KCNH4: variants seen among roughly 807,000 people sequenced by gnomAD.
KCNH4 encodes the protein potassium voltage-gated channel subfamily H member 4.
KCNH4 carries 33 observed loss-of-function variants against 90.7 expected under a neutral mutation model. The ratio of observed to expected loss-of-function variants is 0.36; its 90% CI spans 0.28 to 0.49. The LOEUF (loss-of-function observed/expected upper bound fraction) is 0.49, where lower values mean the gene tolerates loss of function less well. Among genes scored for constraint, KCNH4 ranks in the 20% least tolerant of loss-of-function variants. KCNH4 has a pLI of 0.98. For missense variants in KCNH4, 1,044 were observed against 1,387.1 expected, an observed-to-expected ratio of 0.75 and a Z score of 3.93; for synonymous variants, 551 against 581.7, an observed-to-expected ratio of 0.95 and a Z score of 0.76.
chr17:42,167,283 T>C (rs1465621411), intron 9 of KCNH4, among the ~76,000 whole-genome samples: 2 of 152,154 alleles, frequency 1.3e-5, no homozygotes, highest in African/African-American at 4.8e-5. Context: ...TTCTTTTTTT[T>C]TGAGGCAGAG....
At chr17:42,175,104 C>T (rs766795040) in intron 6 of KCNH4, among the ~76,000 whole-genome samples, 1 of 152,136 alleles carries the variant, frequency 6.6e-6, no homozygotes, top group South Asian at 2.1e-4. Flanking sequence ...GTAGCATACC[C>T]GGGCCCCATC....
intron 2 of KCNH4, 134 bp from the exon 3 acceptor site, chr17:42,178,611 G>C (rs2079879363): frequency 2.4e-6 from 3 of 1,253,622 alleles, no homozygotes; most frequent in Non-Finnish European, 3.3e-6. Context: ...CAGAGATTCT[G>C]TCAGCCGATT....
In KCNH4 at chr17:42,163,638, C is replaced by T; in HGVS notation, c.2445G>A (p.Leu815=). The change falls in exon 13 of 17, where the codon CTG becomes CTA. Residue 815 remains leucine (L), a synonymous_variant. Coordinates refer to ENST00000264661, the MANE Select transcript of KCNH4 (RefSeq NM_012285.3). The surrounding 1 kb of genome is among the most constrained non-coding windows in gnomAD (Gnocchi z 5.4). ...WKPPQLLIPP[L]GTFGPPDLSP... ...TGAGGTCCGGAGGTCCAAAGGTTCC[C>T]AGTGGGGGAATGAGAAGCTGAGGGG... 1 of 1,497,086 alleles carries T rather than the reference C, an allele frequency of 6.7e-7. No individual in the cohort carries two copies. The highest frequency in any genetic ancestry group is 1.9e-4 in the Middle Eastern group (1 of 5,230). The allele number at this position is 1,497,086 out of a possible 1,614,324, so 92.7% of individuals were successfully genotyped here.
chr17:42,173,651 A>G (rs141026929), intron 6 of KCNH4, among the ~76,000 whole-genome samples: 164 of 125,796 alleles, frequency 1.3e-3, no homozygotes, highest in African/African-American at 4.7e-3. Flanking sequence ...GCAGGGTGGT[A>G]TGTTGGAAAA....
At chr17:42,175,423 C>T (rs565917585) in intron 6 of KCNH4, among the ~76,000 whole-genome samples, 156 bp downstream of exon 6, 6 of 152,320 alleles carry the variant, frequency 3.9e-5, no homozygotes, top group African/African-American at 9.6e-5. Flanking sequence ...CCTCCCAGTA[C>T]CTAGCACAGG....
rs958789850 is a variant in KCNH4, at chr17:42,163,422, C to G, written c.2478-88G>C. ...CAGAGGGGGACTGGGGGCAGCAGTG[C>G]CAGGGGGCGGAGCAAGAGCAGCAGT... On this transcript the variant is annotated intron_variant, in intron 13 of 16. Coordinates refer to ENST00000264661, the MANE Select transcript of KCNH4 (RefSeq NM_012285.3). The surrounding 1 kb of genome is among the most constrained non-coding windows in gnomAD (Gnocchi z 5.4). 2.0e-6 allele frequency: 2 copies of G among 996,588 alleles called. No homozygotes were observed. The highest frequency in any genetic ancestry group is 3.1e-6 in the Non-Finnish European group (2 of 650,590). The allele number at this position is 996,588 out of a possible 1,614,324, so 61.7% of individuals were successfully genotyped here.
Position 42,176,291 on chromosome 17 carries a change from A to T in KCNH4, c.592T>A (p.Phe198Ile), listed in dbSNP as rs760502513. The change falls in exon 5 of 17, where the codon TTT becomes ATT. Residue 198 changes from phenylalanine (F) to isoleucine (I), a missense_variant. Phe to Ile is a conservative substitution (Grantham distance 21, BLOSUM62 0). Coordinates refer to ENST00000264661, the MANE Select transcript of KCNH4 (RefSeq NM_012285.3). ...QGGMKANNNVFEPKPSVPEYK... is the reference protein window; with the variant it reads ...QGGMKANNNVIEPKPSVPEYK... Reference sequence around the variant, plus strand: ...TCGGGCACTGATGGCTTTGGCTCAAACACGTTCTAAGGGGAGAGGGGTGGC... The same window carrying T: ...TCGGGCACTGATGGCTTTGGCTCAATCACGTTCTAAGGGGAGAGGGGTGGC... The T allele has an allele frequency of 1.4e-5, 22 of 1,610,852 alleles. No individual in the cohort carries two copies. In the Admixed American group the frequency reaches 3.5e-4, roughly 26 times the overall value.
At chr17:42,159,130 C>T (rs956886128) in intron 16 of KCNH4, among the ~76,000 whole-genome samples, 3 of 151,952 alleles carry the variant, frequency 2.0e-5, no homozygotes, top group Non-Finnish European at 4.4e-5. Context: ...CGGATTCAAG[C>T]GATTCTCCTG....
Position 42,166,256 on chromosome 17 carries a change from G to T in KCNH4, c.1840+41C>A, listed in dbSNP as rs755063070. On this transcript the variant is annotated intron_variant, in intron 10 of 16. Transcript: ENST00000264661. ...AAGTCCTCAGTGGGGGTTGCGGGGG[G>T]TGGTTCCAGGGTAGGTAGTAGAGGG... 8 of 1,549,900 alleles carry T rather than the reference G, an allele frequency of 5.2e-6. No individual in the cohort carries two copies. The African/African-American group carries it at 5.4e-5, about 11-fold the overall frequency.
Position 42,160,120 on chromosome 17 carries a change from A to G in KCNH4, c.2974T>C (p.Ser992Pro), listed in dbSNP as rs1043032466. 1.9e-6 allele frequency: 3 copies of G among 1,598,378 alleles called. No homozygotes were observed. Among genetic ancestry groups the G allele is most frequent in the Non-Finnish European group, 2.6e-6 (3 of 1,170,834 alleles). ...GGGGGTGAGGCCTCTGGCACTGGAG[A>G]GGGTCCCAGAGGGTCAGGCTCTGAG... Reference protein sequence around the residue: ...YPSEPDPLGPSPVPEASPPTP... With the variant: ...YPSEPDPLGPPPVPEASPPTP... Residue 992 changes from serine to proline, a missense_variant, in exon 16 of 17, where the codon TCT becomes CCT. Ser to Pro is a moderately conservative substitution (Grantham distance 74). Transcript: ENST00000264661.
At position 42,169,966 on chromosome 17, in the gene KCNH4, G is replaced by A. The variant is rs370547987; in HGVS notation, c.1390+141C>T. 203 of 930,740 alleles carry A rather than the reference G, an allele frequency of 2.2e-4. 3 individuals carry two copies. In the Admixed American group the frequency reaches 5.4e-3, roughly 25 times the overall value. 57.7% of individuals were successfully genotyped at this position (930,740 alleles called of 1,614,324 possible). A position where few individuals can be genotyped will look rare whatever the true frequency, so the allele number is the denominator to read the frequency against. On this transcript the variant is annotated intron_variant, in intron 8 of 16. Transcript: ENST00000264661. ...GGGCCAGCACATAGTGGGCACTCAG[G>A]AAACGTCCGTGAATGAATGCGTGAC...
In KCNH4 at chr17:42,178,206, C is replaced by T. The variant is rs754131743; in HGVS notation, c.479G>A (p.Gly160Glu). Reference protein sequence around the residue: ...SNHENSLGRRGATWKFRSARR... With the variant: ...SNHENSLGRREATWKFRSARR... ...GGCAGACCGAAATTTCCAGGTGGCT[C>T]CCCTTCTACCAAGGGAGTTTTCTGT... The change falls in exon 4 of 17, where the codon GGA (glycine) becomes GAA (glutamate). Residue 160 changes from glycine (G) to glutamate (E), a missense_variant. Transcript: ENST00000264661. The T allele has an allele frequency of 1.2e-6, 2 of 1,614,188 alleles. No individual in the cohort carries two copies. The highest frequency in any genetic ancestry group is 1.7e-6 in the Non-Finnish European group (2 of 1,180,040).
rs2079892194 is a variant in KCNH4, at chr17:42,180,271, G to C, written c.76+599C>G. On this transcript the variant is annotated intron_variant, in intron 1 of 16. Coordinates refer to ENST00000264661, the MANE Select transcript of KCNH4 (RefSeq NM_012285.3). The surrounding 1 kb of genome is among the most constrained non-coding windows in gnomAD (Gnocchi z 4.7). ...GAGGGAATGGCGGGAGAAGAGGCGG[G>C]GGAGGAGTGATGTGGCTGTCCAAGG... Among the ~76,000 whole-genome samples, 1 of 152,078 alleles carries C rather than the reference G, an allele frequency of 6.6e-6. No individual in the cohort carries two copies. Among genetic ancestry groups the C allele is most frequent in the African/African-American group, 2.4e-5 (1 of 41,416 alleles).
intron 11 of KCNH4, among the ~76,000 whole-genome samples, chr17:42,164,466 G>A (rs961130903): frequency 1.3e-5 from 2 of 152,238 alleles, no homozygotes; most frequent in Non-Finnish European, 2.9e-5. Flanking sequence ...GCCCCGTCCA[G>A]AGAGGGGCTT....
At position 42,164,220 on chromosome 17, in the gene KCNH4, G is replaced by A. The variant is rs561803625; in HGVS notation, c.2086-52C>T. 2.7e-5 allele frequency: 40 copies of A among 1,475,554 alleles called. No homozygotes were observed. The East Asian group carries it at 9.1e-4, about 33-fold the overall frequency. 91.4% of individuals were successfully genotyped at this position (1,475,554 alleles called of 1,614,324 possible). A position where few individuals can be genotyped will look rare whatever the true frequency, so the allele number is the denominator to read the frequency against. ...TGATTCCTGCCTTCCCGCGGCCATAGCGCAGACCCTCCCTGTCCCACCCAA... is the reference window on the plus strand; with the variant it reads ...TGATTCCTGCCTTCCCGCGGCCATAACGCAGACCCTCCCTGTCCCACCCAA... On this transcript the variant is annotated intron_variant, in intron 11 of 16. Transcript: ENST00000264661.
rs1477607715 is a variant in KCNH4, at chr17:42,170,586, C to T, written c.1196-285G>A. Among the ~76,000 whole-genome samples the T allele has an allele frequency of 3.3e-5, 5 of 152,364 alleles. No individual in the cohort carries two copies. The South Asian group carries it at 1.0e-3, about 32-fold the overall frequency. On this transcript the variant is annotated intron_variant, in intron 7 of 16. Transcript: ENST00000264661. ...GTGTTGGGGAATTGACCCAGCCAAACACTCTCCCTGCCCTGGTGGAACCTA... is the reference window on the plus strand; with the variant it reads ...GTGTTGGGGAATTGACCCAGCCAAATACTCTCCCTGCCCTGGTGGAACCTA...
Position 42,163,788 on chromosome 17 carries a change from C to G in KCNH4, c.2295G>C (p.Glu765Asp). ...AGACAAGGGCTGAGAATGGGGGCAGCTCCTCGCCCAAAAGGCTGACCAGGG... is the reference window on the plus strand; with the variant it reads ...AGACAAGGGCTGAGAATGGGGGCAGGTCCTCGCCCAAAAGGCTGACCAGGG... ...RGSLVSLLGE[E>D]LPPFSALVSS... is the part of the protein sequence containing the mutation. The change falls in exon 13 of 17, where the codon GAG (glutamate) becomes GAC (aspartate). Residue 765 changes from glutamate to aspartate, a missense_variant. Transcript: ENST00000264661. This position sits in a 1 kb window ranked among gnomAD's most constrained non-coding sequence, Gnocchi z 5.4. 1 of 1,545,858 alleles carries G rather than the reference C, an allele frequency of 6.5e-7. No homozygotes were observed. Among genetic ancestry groups the G allele is most frequent in the South Asian group, 1.2e-5 (1 of 82,582 alleles).
rs376807154 is a variant in KCNH4 at position 42,164,182 on chromosome 17, G to A, written c.2086-14C>T. ...GCGGCTGAGGCCCTGTGGGGACATA[G>A]GAGAGTTCAAGCTGATTCCTGCCTT... On this transcript the variant is annotated splice_polypyrimidine_tract_variant and intron_variant, in intron 11 of 16. Transcript: ENST00000264661. 5.2e-6 allele frequency: 8 copies of A among 1,544,008 alleles called. No individual in the cohort carries two copies. In the East Asian group the frequency reaches 7.3e-5, roughly 14 times the overall value.
Position 42,163,695 on chromosome 17 carries a change from G to A in KCNH4, c.2388C>T (p.His796=), listed in dbSNP as rs745704968. The change falls in exon 13 of 17, where the codon CAC becomes CAT. Residue 796 remains histidine (H), a synonymous_variant. Transcript: ENST00000264661. This position sits in a 1 kb window ranked among gnomAD's most constrained non-coding sequence, Gnocchi z 5.4. ...LAGQGHSASP[H]GPPRCSAAWK... is the part of the protein sequence containing the mutation. ...AGGCAGCAGAGCACCTGGGGGGGCC[G>A]TGAGGGGAGGCACTGTGGCCCTGGC... 5.2e-5 allele frequency: 78 copies of A among 1,512,372 alleles called. No individual in the cohort carries two copies. The Admixed American group carries it at 6.6e-4, about 13-fold the overall frequency. The allele number at this position is 1,512,372 out of a possible 1,614,324, so 93.7% of individuals were successfully genotyped here.
Sources: allele counts gnomAD v4.1 joint callset (sites outside exome capture counted in the v4.1 genomes callset), GRCh38; gene constraint gnomAD v4.1.1; non-coding constraint Gnocchi (gnomAD v3.1); transcripts MANE v1.5; gene names NCBI Gene and HGNC (gene_info 2026-07-23, HGNC 2026-07-21).